The following TMEM45A variants were observed in gnomAD, a reference collection of about 807,000 sequenced individuals.
The protein encoded by TMEM45A is transmembrane protein 45A.
In TMEM45A, 25 loss-of-function variants were observed where a neutral mutation model predicts 32.0. The observed-to-expected ratio is 0.78, with a 90% CI of 0.57 to 1.09. The LOEUF is 1.09. Among genes scored for constraint, TMEM45A ranks in the 50% least tolerant of loss-of-function variants. TMEM45A has a pLI of 0.00. For missense variants in TMEM45A, 302 were observed against 325.0 expected, an observed-to-expected ratio of 0.93 and a Z score of 0.54; for synonymous variants, 122 against 114.8, an observed-to-expected ratio of 1.06 and a Z score of -0.40.
chr3:100,556,151 T>C (rs1380574966), intron 2 of TMEM45A, among the ~76,000 whole-genome samples: 2 of 152,170 alleles, frequency 1.3e-5, no homozygotes, highest in South Asian at 2.1e-4. Flanking sequence ...CGGCTAATTT[T>C]TGTATGTTTA....
rs1170518546 is a variant in TMEM45A at position 100,558,512 on chromosome 3, T to C, written c.511T>C (p.Phe171Leu). The change falls in exon 4 of 6, where the codon TTC becomes CTC. Residue 171 changes from phenylalanine to leucine, a missense_variant. Coordinates refer to ENST00000323523, the MANE Select transcript of TMEM45A (RefSeq NM_018004.3). ...FLTGLVAFLE[F>L]LVRNNVLLEL... Reference sequence around the variant, plus strand: ...GACAGGCCTCGTTGCCTTCCTAGAGTTCCTTGTTCGGAACAATGTACTTCT... The same window carrying C: ...GACAGGCCTCGTTGCCTTCCTAGAGCTCCTTGTTCGGAACAATGTACTTCT... 1.2e-6 allele frequency: 2 copies of C among 1,614,014 alleles called. No homozygotes were observed. The highest frequency in any genetic ancestry group is 3.3e-5 in the Admixed American group (2 of 60,002).
At chr3:100,575,865 G>C (rs1706674405) in intron 5 of TMEM45A, among the ~76,000 whole-genome samples, 1 of 152,236 alleles carries the variant, frequency 6.6e-6, no homozygotes, top group Non-Finnish European at 1.5e-5. Flanking sequence ...GACTTGGGCT[G>C]CCAACCCTAG....
intron 1 of TMEM45A, among the ~76,000 whole-genome samples, chr3:100,501,737 G>T (rs1053955644): frequency 6.6e-6 from 1 of 152,076 alleles, no homozygotes; most frequent in African/African-American, 2.4e-5. Flanking sequence ...CCTCAGTGCC[G>T]CAGTTATTTC....
At chr3:100,529,665 A>G (rs1705610072) in intron 1 of TMEM45A, among the ~76,000 whole-genome samples, 1 of 152,164 alleles carries the variant, frequency 6.6e-6, no homozygotes, top group South Asian at 2.1e-4. Flanking sequence ...TCTGTCACCC[A>G]GGATGGAGTG....
At chr3:100,549,285 C>T (rs960638988) in intron 1 of TMEM45A, among the ~76,000 whole-genome samples, 5 of 151,156 alleles carry the variant, frequency 3.3e-5, no homozygotes, top group African/African-American at 9.8e-5. Flanking sequence ...ACAAAAAAAC[C>T]ACCAAAACCA....
chr3:100,533,278 G>A (rs930992467), intron 1 of TMEM45A, among the ~76,000 whole-genome samples: 3 of 152,064 alleles, frequency 2.0e-5, no homozygotes, highest in African/African-American at 7.2e-5. Context: ...TACCCCAAGA[G>A]ACTCTGATTT....
rs986284430 is a variant in TMEM45A, at chr3:100,567,794, C to CT, written c.589-1020dup. ...ATGGAACTGTCTTCTTTTTCTTTTT[C>CT]TTTTTTTTGAGACGGAGACTTGCTC... On this transcript the variant is annotated intron_variant, in intron 4 of 5. Coordinates refer to ENST00000323523, the MANE Select transcript of TMEM45A (RefSeq NM_018004.3). 9.9e-5 allele frequency among the ~76,000 whole-genome samples: 15 copies of CT among 151,532 alleles called. 1 individual carries two copies. The South Asian group carries it at 1.2e-3, about 13-fold the overall frequency.
chr3:100,521,221 A>G (rs543600016), intron 1 of TMEM45A, among the ~76,000 whole-genome samples: 1 of 151,754 alleles, frequency 6.6e-6, no homozygotes, highest in South Asian at 2.1e-4. Flanking sequence ...CTGCACCTCC[A>G]GCTGAGATGG....
At chr3:100,504,017 G>A (rs1053261625) in intron 1 of TMEM45A, among the ~76,000 whole-genome samples, 3 of 152,192 alleles carry the variant, frequency 2.0e-5, no homozygotes, top group African/African-American at 7.2e-5. Context: ...GGTGGGCAGA[G>A]GCAGAGGTGT....
At chr3:100,536,774 G>A (rs1576276938) in intron 1 of TMEM45A, among the ~76,000 whole-genome samples, 1 of 152,130 alleles carries the variant, frequency 6.6e-6, no homozygotes, top group Admixed American at 6.5e-5. Context: ...TGTCCCTTTC[G>A]ATGCAGTTCC....
At chr3:100,519,682 C>T in intron 1 of TMEM45A, 1 of 1,451,746 alleles carries the variant, frequency 6.9e-7, no homozygotes, top group South Asian at 1.2e-5. Context: ...TTCATAAAGA[C>T]CTAGTTTGAA....
At chr3:100,526,342 C>G (rs1274799463) in intron 1 of TMEM45A, among the ~76,000 whole-genome samples, 1 of 152,182 alleles carries the variant, frequency 6.6e-6, no homozygotes, top group African/African-American at 2.4e-5. Context: ...CAGCCATCTT[C>G]CCATATTTCT....
chr3:100,539,456 T>TATGCATATGCATATGC (rs1325083540), intron 1 of TMEM45A, among the ~76,000 whole-genome samples: 1,689 of 84,534 alleles, frequency 0.02, 57 homozygotes, highest in Non-Finnish European at 0.029. Flanking sequence ...TATGTATATG[T>TATGCATATGCATATGC]ATATGTATAT....
chr3:100,565,936 C>T (rs891443050), intron 4 of TMEM45A, among the ~76,000 whole-genome samples: 6 of 152,180 alleles, frequency 3.9e-5, no homozygotes, highest in Admixed American at 2.0e-4. Flanking sequence ...TCTCCCGTCT[C>T]TCCTCCTAGC....
chr3:100,536,872 G>A (rs1348297687), intron 1 of TMEM45A, among the ~76,000 whole-genome samples: 1 of 152,192 alleles, frequency 6.6e-6, no homozygotes, highest in Non-Finnish European at 1.5e-5. Flanking sequence ...AAGGTGAAAG[G>A]CCTAGATTCA....
intron 5 of TMEM45A, among the ~76,000 whole-genome samples, chr3:100,575,413 C>T (rs1285345819): frequency 1.4e-5 from 2 of 145,092 alleles, no homozygotes; most frequent in Admixed American, 6.9e-5. Context: ...TGCTCTGTCG[C>T]CCAGGCTGGA....
At chr3:100,564,967 G>T (rs1475558589) in intron 4 of TMEM45A, among the ~76,000 whole-genome samples, 1 of 152,168 alleles carries the variant, frequency 6.6e-6, no homozygotes, top group Non-Finnish European at 1.5e-5. Context: ...GTCTCAAACT[G>T]ATCTTGTTAT....
At position 100,527,029 on chromosome 3, in the gene TMEM45A, T is replaced by G. The variant is rs900245777; in HGVS notation, c.-3-28180T>G. On this transcript the variant is annotated intron_variant, in intron 1 of 5. Transcript: ENST00000323523. ...GGTATTTAAAATACATAAATGTAAT[T>G]TAAAATTATAATATATATGCTTTTT... Among the ~76,000 whole-genome samples, 4 of 152,314 alleles carry G rather than the reference T, an allele frequency of 2.6e-5. No individual in the cohort carries two copies. In the East Asian group the frequency reaches 7.7e-4, roughly 29 times the overall value.
intron 1 of TMEM45A, among the ~76,000 whole-genome samples, chr3:100,533,642 T>G (rs1334600281): frequency 5.9e-5 from 9 of 152,016 alleles, no homozygotes; most frequent in Non-Finnish European, 1.5e-5. Context: ...AGCCCCACCC[T>G]TCACACTGAG....
Sources: allele counts gnomAD v4.1 joint callset (sites outside exome capture counted in the v4.1 genomes callset), GRCh38; gene constraint gnomAD v4.1.1; transcripts MANE v1.5; gene names NCBI Gene and HGNC (gene_info 2026-07-23, HGNC 2026-07-21).